Variants in COL26A1 observed in about 807,000 individuals in gnomAD.
COL26A1 encodes the protein collagen alpha-1(XXVI) chain.
In COL26A1, 41 loss-of-function variants were observed where a neutral mutation model predicts 59.3. That is an observed-to-expected ratio of 0.69 (90% CI 0.54 to 0.90). The LOEUF (loss-of-function observed/expected upper bound fraction) is 0.90. Ranked by LOEUF, COL26A1 falls within the 40% of genes least tolerant of loss-of-function variation. The pLI is 0.00. For synonymous variants in COL26A1, 266 were observed against 256.0 expected (o/e 1.04, Z -0.37); for missense variants, 612 against 602.3 (o/e 1.02, Z -0.17).
chr7:101,463,363 A>G (rs1355813228), intron 3 of COL26A1, among the ~76,000 whole-genome samples: 2 of 152,146 alleles, frequency 1.3e-5, no homozygotes, highest in African/African-American at 4.8e-5. Context: ...TTAAAGGCTG[A>G]ATGATATTCC....
chr7:101,435,885 C>T (rs576463858), intron 2 of COL26A1, among the ~76,000 whole-genome samples: 5 of 152,230 alleles, frequency 3.3e-5, no homozygotes, highest in African/African-American at 4.8e-5. Flanking sequence ...TCATTCCCCT[C>T]TGCCAGACGG....
chr7:101,401,348 G>A lies in COL26A1; in HGVS notation c.159-18629G>A, dbSNP rs938024668. On this transcript the variant is annotated intron_variant, in intron 1 of 12. Transcript: ENST00000313669. ...GAGGGTGATGATGAAAGCTATGTCA[G>A]CGGGATGGTCTCTAAAGCCTCTCCC... is the stretch of plus-strand genomic sequence containing the variant. 3.9e-5 allele frequency among the ~76,000 whole-genome samples: 6 copies of A among 152,140 alleles called. No individual in the cohort carries two copies. The East Asian group carries it at 1.2e-3, about 29-fold the overall frequency.
At chr7:101,438,960 G>A (rs1792982167) in intron 2 of COL26A1, among the ~76,000 whole-genome samples, 2 of 152,200 alleles carry the variant, frequency 1.3e-5, no homozygotes, top group African/African-American at 4.8e-5. Context: ...TTACAGGCGT[G>A]AGCCACAGCG....
At chr7:101,549,461 A>G (rs984803298) in intron 9 of COL26A1, among the ~76,000 whole-genome samples, 2 of 152,014 alleles carry the variant, frequency 1.3e-5, no homozygotes, top group African/African-American at 2.4e-5. Context: ...AGCTCATGCA[A>G]CCTCCACCTC....
chr7:101,489,687 T>TTCTG (rs879466516), intron 3 of COL26A1, among the ~76,000 whole-genome samples: 2,402 of 15,876 alleles, frequency 0.15, 449 homozygotes, highest in African/African-American at 0.26. Flanking sequence ...CTTCCTTTCT[T>TTCTG]TCTTTCTTTC....
At chr7:101,433,363 C>T (rs1792826962) in intron 2 of COL26A1, among the ~76,000 whole-genome samples, 1 of 152,036 alleles carries the variant, frequency 6.6e-6, no homozygotes, top group Non-Finnish European at 1.5e-5. Context: ...TGGAGGTGAC[C>T]ATGGAGATGA....
intron 1 of COL26A1, among the ~76,000 whole-genome samples, chr7:101,413,000 G>A (rs1293127955): frequency 6.6e-6 from 1 of 152,246 alleles, no homozygotes; most frequent in African/African-American, 2.4e-5. Flanking sequence ...AACCTGGGAA[G>A]TGTCCTGAAG....
chr7:101,448,388 C>A (rs754769350), intron 3 of COL26A1, among the ~76,000 whole-genome samples: 2 of 152,192 alleles, frequency 1.3e-5, no homozygotes, highest in Non-Finnish European at 2.9e-5. Context: ...CACTGCTGGC[C>A]AGGGAAATTG....
At chr7:101,527,145 A>AT (rs1004015055) in intron 3 of COL26A1, among the ~76,000 whole-genome samples, 7 of 147,816 alleles carry the variant, frequency 4.7e-5, no homozygotes, top group African/African-American at 1.8e-4. Flanking sequence ...TAATTTTAAA[A>AT]TTTTTTCTAG....
At chr7:101,510,903 T>TTC in intron 3 of COL26A1, among the ~76,000 whole-genome samples, 1 of 146,440 alleles carries the variant, frequency 6.8e-6, no homozygotes, top group African/African-American at 2.5e-5. Context: ...TCTTTCTTTT[T>TTC]TTTTTTTTTT....
intron 2 of COL26A1, 95 bp from the exon 3 acceptor site, chr7:101,447,589 G>T: frequency 1.2e-6 from 1 of 852,698 alleles, no homozygotes; most frequent in Non-Finnish European, 1.9e-6. Flanking sequence ...CCGGAGCCCT[G>T]GCTGGGCAAA....
At chr7:101,420,368 G>A (rs1792483959) in intron 2 of COL26A1, among the ~76,000 whole-genome samples, 1 of 152,198 alleles carries the variant, frequency 6.6e-6, no homozygotes, top group Non-Finnish European at 1.5e-5. Flanking sequence ...ACAGATGAGT[G>A]GGGTATGGGA....
chr7:101,376,079 T>C (rs1222451048), intron 1 of COL26A1, among the ~76,000 whole-genome samples: 3 of 147,558 alleles, frequency 2.0e-5, no homozygotes, highest in Admixed American at 6.8e-5. Flanking sequence ...GGTGGGAGGA[T>C]CACTTGAGCC....
intron 2 of COL26A1, among the ~76,000 whole-genome samples, chr7:101,431,106 T>G (rs1012321229): frequency 2.6e-5 from 4 of 152,156 alleles, no homozygotes; most frequent in African/African-American, 7.2e-5. Context: ...CCAGCCTGTA[T>G]GCCTTTTATT....
intron 2 of COL26A1, among the ~76,000 whole-genome samples, chr7:101,444,825 T>TTTTTA (rs1420644319): frequency 6.9e-6 from 1 of 145,290 alleles, no homozygotes; most frequent in African/African-American, 2.4e-5. Context: ...GGGACTTTAT[T>TTTTTA]TTTTATTTTA....
chr7:101,464,345 C>G (rs1215514712), intron 3 of COL26A1, among the ~76,000 whole-genome samples: 2 of 151,798 alleles, frequency 1.3e-5, no homozygotes, highest in African/African-American at 4.8e-5. Context: ...GATGATCCAC[C>G]CACCTCGGCC....
At chr7:101,484,899 G>A (rs1201898571) in intron 3 of COL26A1, among the ~76,000 whole-genome samples, 1 of 151,790 alleles carries the variant, frequency 6.6e-6, no homozygotes, top group East Asian at 1.9e-4. Flanking sequence ...TTGTTACCCA[G>A]GCTGGAGTGC....
chr7:101,556,827 T>C (rs1241135937), intron 12 of COL26A1, among the ~76,000 whole-genome samples: 2 of 151,512 alleles, frequency 1.3e-5, no homozygotes, highest in African/African-American at 2.4e-5. Context: ...GATGGATGGA[T>C]GGATGATAGA....
chr7:101,553,130 C>T, intron 10 of COL26A1, 196 bp from the exon 11 acceptor site: 1 of 525,244 alleles, frequency 1.9e-6, no homozygotes. Context: ...CCAGGCTGAG[C>T]AGGCTGTGCC....
Sources: gnomAD v4.1 joint callset for allele counts (sites outside exome capture counted in the v4.1 genomes callset) on GRCh38, gnomAD v4.1.1 for gene constraint, MANE v1.5 for transcripts, NCBI Gene and HGNC (gene_info 2026-07-23, HGNC 2026-07-21) for gene names.